The following CFAP43 variants were observed in gnomAD, a reference collection of about 807,000 sequenced individuals.
CFAP43 encodes the protein cilia and flagella associated protein 43.
Under a neutral mutation model 218.9 loss-of-function variants are expected in CFAP43, and 155 were observed. The observed-to-expected ratio is 0.71, with a 90% CI of 0.62 to 0.81. The LOEUF (loss-of-function observed/expected upper bound fraction) is 0.81. Among genes scored for constraint, CFAP43 ranks in the 30% least tolerant of loss-of-function variants. The pLI is 0.00. For missense variants in CFAP43, 1,778 were observed against 1,954.3 expected (o/e 0.91, Z 1.70); for synonymous variants, 645 against 681.3 (o/e 0.95, Z 0.83).
chr10:104,144,214 T>C (rs1448127460), intron 31 of CFAP43, among the ~76,000 whole-genome samples: 2 of 152,154 alleles, frequency 1.3e-5, no homozygotes, highest in East Asian at 3.9e-4. Flanking sequence ...AGGCTATCAG[T>C]CTGACAGGTG....
intron 12 of CFAP43, among the ~76,000 whole-genome samples, chr10:104,188,833 G>A (rs1460401119): frequency 1.3e-5 from 2 of 152,150 alleles, no homozygotes; most frequent in African/African-American, 4.8e-5. Context: ...TGGGTGTGGT[G>A]GAAACGTGAC....
intron 3 of CFAP43, among the ~76,000 whole-genome samples, chr10:104,223,219 G>T (rs1209700207): frequency 6.6e-6 from 1 of 151,982 alleles, no homozygotes; most frequent in African/African-American, 2.4e-5. Flanking sequence ...CAGGTCCAGG[G>T]TTGCCTGTGT....
At chr10:104,201,599 T>C (rs745911208) in intron 8 of CFAP43, among the ~76,000 whole-genome samples, 7 of 152,148 alleles carry the variant, frequency 4.6e-5, no homozygotes, top group Non-Finnish European at 8.8e-5. Context: ...CTTTATTCTA[T>C]ATACCCTGCT....
chr10:104,230,570 G>A lies in CFAP43; in HGVS notation c.319+20C>T, dbSNP rs1172710765. The A allele has an allele frequency of 5.6e-6, 9 of 1,605,210 alleles. No homozygotes were observed. Among genetic ancestry groups the A allele is most frequent in the Non-Finnish European group, 7.6e-6 (9 of 1,176,624 alleles). On this transcript the variant is annotated intron_variant, in intron 2 of 37. Coordinates refer to ENST00000357060, the MANE Select transcript of CFAP43 (RefSeq NM_025145.7). ...ACAAAATCCTTCAATTATGGGCAGA[G>A]GAAGGGTTCTCTAGAATACCTTTCA...
chr10:104,135,947 A>C (rs1332711173), intron 34 of CFAP43, among the ~76,000 whole-genome samples: 2 of 152,190 alleles, frequency 1.3e-5, no homozygotes, highest in African/African-American at 4.8e-5. Context: ...TCCCTACTTC[A>C]AAGAAGAAAA....
rs1343432839 is a variant in CFAP43 at position 104,166,678 on chromosome 10, A to G, written c.2849T>C (p.Leu950Ser). 5 of 1,613,742 alleles carry G rather than the reference A, an allele frequency of 3.1e-6. No individual in the cohort carries two copies. In the African/African-American group the frequency reaches 5.3e-5, roughly 17 times the overall value. Residue 950 changes from leucine (L) to serine (S), a missense_variant, in exon 23 of 38, where the codon TTG becomes TCG. Leu to Ser is a moderately radical substitution (Grantham distance 145). Coordinates refer to ENST00000357060, the MANE Select transcript of CFAP43 (RefSeq NM_025145.7). ...ATCCTCTTCATGACGCTGTTTAATC[A>G]ACTTAACTCCAGACTGAGCCTCTAC... ...EIVEAQSGVKLIKQRHEEDDE... is the reference protein window; with the variant it reads ...EIVEAQSGVKSIKQRHEEDDE...
intron 30 of CFAP43, among the ~76,000 whole-genome samples, chr10:104,146,011 A>G (rs1274262076): frequency 2.0e-5 from 3 of 152,190 alleles, no homozygotes. Flanking sequence ...AAGTTTGAAA[A>G]GCCTTAAAGG....
At chr10:104,166,396 A>G (rs898404394) in intron 23 of CFAP43, 92 bp downstream of exon 23, 1 of 898,124 alleles carries the variant, frequency 1.1e-6, no homozygotes, top group South Asian at 1.7e-5. Context: ...TTAAATCATC[A>G]TTTGATTGGC....
intron 35 of CFAP43, chr10:104,133,386 G>C: frequency 2.7e-6 from 1 of 368,590 alleles, no homozygotes; most frequent in Non-Finnish European, 4.8e-6. Context: ...GGACCACCGG[G>C]TTTGACAGGA....
At chr10:104,141,638 A>G (rs1454549062) in intron 33 of CFAP43, among the ~76,000 whole-genome samples, 1 of 152,012 alleles carries the variant, frequency 6.6e-6, no homozygotes, top group East Asian at 1.9e-4. Flanking sequence ...AAATAAAATA[A>G]CTCTATTAAA....
chr10:104,165,297 A>G (rs1003891339), intron 23 of CFAP43, among the ~76,000 whole-genome samples: 2 of 152,224 alleles, frequency 1.3e-5, no homozygotes, highest in African/African-American at 4.8e-5. Flanking sequence ...CCATTAAAGC[A>G]AGGTGAAAAA....
Position 104,143,634 on chromosome 10 carries a change from G to C in CFAP43, c.3950C>G (p.Ser1317Cys). 6.2e-7 allele frequency: 1 copy of C among 1,613,890 alleles called. No homozygotes were observed. The highest frequency in any genetic ancestry group is 8.5e-7 in the Non-Finnish European group (1 of 1,179,964). Residue 1317 changes from serine (S) to cysteine (C), a missense_variant, in exon 32 of 38, where the codon TCC (serine) becomes TGC (cysteine). Transcript: ENST00000357060. ...YKLFKRRPRI[S>C]KQKTHSETTS... ...TGTTTCTGAGTGCGTTTTCTGTTTG[G>C]AAATCCTGGTATTACCAAGAAAAGC... is the stretch of plus-strand genomic sequence containing the variant.
intron 12 of CFAP43, among the ~76,000 whole-genome samples, chr10:104,190,273 A>G (rs2090169770): frequency 6.6e-6 from 1 of 152,116 alleles, no homozygotes; most frequent in Non-Finnish European, 1.5e-5. Context: ...TCAAGGCTAT[A>G]GTGAGCTATG....
chr10:104,206,466 A>G (rs1259939253), intron 6 of CFAP43, among the ~76,000 whole-genome samples: 1 of 152,222 alleles, frequency 6.6e-6, no homozygotes, highest in Non-Finnish European at 1.5e-5. Flanking sequence ...AACTCATACC[A>G]GGGCATAGTT....
At chr10:104,167,865 C>A in intron 21 of CFAP43, 128 bp from the exon 22 acceptor site, 1 of 582,690 alleles carries the variant, frequency 1.7e-6, no homozygotes, top group Non-Finnish European at 2.9e-6. Context: ...GTAAAATTGA[C>A]AATGGAAACC....
intron 29 of CFAP43, among the ~76,000 whole-genome samples, chr10:104,147,192 C>A (rs1031132716): frequency 2.7e-5 from 4 of 150,568 alleles, no homozygotes; most frequent in Admixed American, 1.3e-4. Context: ...AGATGGTATC[C>A]TCATCTGTGA....
chr10:104,141,969 T>G (rs2087727375), intron 33 of CFAP43, among the ~76,000 whole-genome samples: 1 of 152,220 alleles, frequency 6.6e-6, no homozygotes, highest in African/African-American at 2.4e-5. Context: ...TTAGCTTATA[T>G]GCCTTGAGCC....
chr10:104,177,140 T>A (rs114676415), intron 19 of CFAP43, among the ~76,000 whole-genome samples: 2 of 151,964 alleles, frequency 1.3e-5, no homozygotes. Flanking sequence ...CCTATTAAAA[T>A]GCCCATCGAA....
rs1466407300 is a variant in CFAP43 at position 104,161,052 on chromosome 10, T to C, written c.3525A>G (p.Arg1175=). The C allele has an allele frequency of 6.2e-7, 1 of 1,609,088 alleles. No individual in the cohort carries two copies. Among genetic ancestry groups the C allele is most frequent in the Non-Finnish European group, 8.5e-7 (1 of 1,176,094 alleles). The part of the protein sequence containing the change: ...EKKVKELNEE[R]DKYRKSLEAE... ...CTCTTCTGACCTTTCTATACTTATC[T>C]CTTTCTTCATTTAACTCCTTTACTT... The change falls in exon 27 of 38, where the codon AGA becomes AGG. Residue 1175 remains arginine, a synonymous_variant. Coordinates refer to ENST00000357060, the MANE Select transcript of CFAP43 (RefSeq NM_025145.7).
Sources: gnomAD v4.1 joint callset for allele counts (sites outside exome capture counted in the v4.1 genomes callset) on GRCh38, gnomAD v4.1.1 for gene constraint, MANE v1.5 for transcripts, NCBI Gene and HGNC (gene_info 2026-07-23, HGNC 2026-07-21) for gene names.